ARB2A: variants seen among roughly 807,000 people sequenced by gnomAD.
ARB2A encodes the protein ARB2 cotranscriptional regulator A.
chr5:93,871,461 T>C, the ARB2A span, among the ~76,000 whole-genome samples: 1 of 152,196 alleles, frequency 6.6e-6, no homozygotes, highest in South Asian at 2.1e-4. Flanking sequence ...AGTGTGGGTA[T>C]AGCATCAAAG....
At chr5:93,776,171 G>C in the ARB2A span, 1 of 1,604,530 alleles carries the variant, frequency 6.2e-7, no homozygotes, top group Non-Finnish European at 8.5e-7. Context: ...GCTGAGACCC[G>C]GGGGCAATCA....
the ARB2A span, among the ~76,000 whole-genome samples, chr5:93,789,088 T>C: frequency 6.6e-6 from 1 of 152,214 alleles, no homozygotes; most frequent in Non-Finnish European, 1.5e-5. Context: ...TATGTTTGGA[T>C]ATATCACATG....
At chr5:93,731,846 T>C in the ARB2A span, among the ~76,000 whole-genome samples, 1 of 152,220 alleles carries the variant, frequency 6.6e-6, no homozygotes, top group Admixed American at 6.5e-5. Flanking sequence ...ATATTGATTT[T>C]TAAATGCAGT....
At chr5:94,111,462 G>T in the ARB2A span, 3 of 152,980 alleles carry the variant, frequency 2.0e-5, no homozygotes, top group South Asian at 3.8e-4. Context: ...TCCTGATTTC[G>T]ACCCGGGCCT....
the ARB2A span, among the ~76,000 whole-genome samples, chr5:93,761,897 C>T: frequency 6.6e-6 from 1 of 152,200 alleles, no homozygotes; most frequent in African/African-American, 2.4e-5. Context: ...TTGCTGTTCA[C>T]CAATATCTGC....
the ARB2A span, chr5:94,074,666 TC>T: frequency 6.2e-7 from 1 of 1,612,558 alleles, no homozygotes; most frequent in East Asian, 2.2e-5. Context: ...GGTAGTCTTT[TC>T]TTTTTCATCT....
At chr5:93,801,989 T>C in the ARB2A span, among the ~76,000 whole-genome samples, 2 of 152,252 alleles carry the variant, frequency 1.3e-5, no homozygotes, top group South Asian at 4.1e-4. Context: ...ATTTAGCCTG[T>C]ATTAGAGACT....
At chr5:93,721,567 C>T in the ARB2A span, among the ~76,000 whole-genome samples, 1 of 152,104 alleles carries the variant, frequency 6.6e-6, no homozygotes, top group African/African-American at 2.4e-5. Flanking sequence ...AATAAGGATA[C>T]ACATGAATAA....
chr5:93,900,574 A>G, the ARB2A span, among the ~76,000 whole-genome samples: 1 of 150,940 alleles, frequency 6.6e-6, no homozygotes, highest in Non-Finnish European at 1.5e-5. Context: ...AGATCATGCC[A>G]CTGCACTCCA....
the ARB2A span, among the ~76,000 whole-genome samples, chr5:93,759,659 C>G: frequency 1.3e-5 from 2 of 152,118 alleles, no homozygotes; most frequent in Non-Finnish European, 2.9e-5. Flanking sequence ...ATGATCATCT[C>G]AATAGATGCA....
the ARB2A span, among the ~76,000 whole-genome samples, chr5:93,839,150 C>A: frequency 0.014 from 2,189 of 152,236 alleles, 50 homozygotes; most frequent in African/African-American, 0.051. Context: ...AGCTTTTGCC[C>A]ATTCAGTATT....
chr5:93,826,169 T>C, the ARB2A span, among the ~76,000 whole-genome samples: 1 of 152,056 alleles, frequency 6.6e-6, no homozygotes, highest in East Asian at 1.9e-4. Flanking sequence ...AAAAACAAAC[T>C]AAAATGTGAA....
chr5:93,796,990 G>C, the ARB2A span, among the ~76,000 whole-genome samples: 1 of 152,120 alleles, frequency 6.6e-6, no homozygotes, highest in African/African-American at 2.4e-5. Context: ...TTCACAGATA[G>C]AGAACATGTA....
chr5:93,886,352 G>A, the ARB2A span, among the ~76,000 whole-genome samples: 1 of 151,608 alleles, frequency 6.6e-6, no homozygotes, highest in Non-Finnish European at 1.5e-5. Context: ...TTGGTCTTCA[G>A]GCAAGGCTCT....
chr5:93,793,577 TC>T, the ARB2A span, among the ~76,000 whole-genome samples: 1 of 152,094 alleles, frequency 6.6e-6, no homozygotes, highest in African/African-American at 2.4e-5. Flanking sequence ...TAACAGGTGC[TC>T]AAAAATTATT....
the ARB2A span, among the ~76,000 whole-genome samples, chr5:93,989,254 C>A: frequency 1.3e-5 from 2 of 152,040 alleles, no homozygotes; most frequent in African/African-American, 4.8e-5. Flanking sequence ...GTGCAAAATA[C>A]TTTAAATACC....
the ARB2A span, among the ~76,000 whole-genome samples, chr5:93,693,639 C>A: frequency 6.6e-6 from 1 of 152,138 alleles, no homozygotes; most frequent in Non-Finnish European, 1.5e-5. Context: ...CAAAGAGGAG[C>A]TGGTACCATT....
the ARB2A span, among the ~76,000 whole-genome samples, chr5:93,705,392 T>G: frequency 1.3e-5 from 2 of 152,170 alleles, no homozygotes; most frequent in Non-Finnish European, 2.9e-5. Flanking sequence ...TAGCAGTTCT[T>G]GAGAAGTATT....
At chr5:93,805,252 A>T in the ARB2A span, 3 of 985,016 alleles carry the variant, frequency 3.0e-6, 1 homozygote, top group Non-Finnish European at 1.2e-6. Flanking sequence ...AAAAATTACT[A>T]TTCCTATATT....
Sources: allele counts gnomAD v4.1 joint callset (sites outside exome capture counted in the v4.1 genomes callset), GRCh38; gene constraint gnomAD v4.1.1; transcripts MANE v1.5; gene names NCBI Gene and HGNC (gene_info 2026-07-23, HGNC 2026-07-21).